NARF: variants seen among roughly 807,000 people sequenced by gnomAD.
NARF encodes nuclear prelamin A recognition factor.
NARF carries 41 observed loss-of-function variants against 48.0 expected under a neutral mutation model. The ratio of observed to expected loss-of-function variants is 0.85; its 90% CI spans 0.66 to 1.11. NARF has a LOEUF of 1.11. NARF is among the 50% of genes least tolerant of loss of function. The pLI is 0.00. For missense variants in NARF, 613 were observed against 590.2 expected (o/e 1.04, Z -0.40); for synonymous variants, 215 against 225.5 (o/e 0.95, Z 0.42).
chr17:82,486,567 C>A (rs73999957), intron 10 of NARF, among the ~76,000 whole-genome samples: 12,015 of 152,198 alleles, frequency 0.079, 930 homozygotes, highest in African/African-American at 0.2. Context: ...AGAGGGGAGC[C>A]TGTGGCCTTG....
intron 4 of NARF, among the ~76,000 whole-genome samples, chr17:82,469,473 C>G (rs1223582958): frequency 1.3e-5 from 2 of 152,216 alleles, no homozygotes; most frequent in African/African-American, 2.4e-5. Context: ...AGGGGAACTG[C>G]CTCCCTCCAT....
chr17:82,480,974 G>A (rs1308614580), intron 6 of NARF, 108 bp from the exon 7 acceptor site: 47 of 1,408,658 alleles, frequency 3.3e-5, no homozygotes, highest in Non-Finnish European at 4.4e-5. Flanking sequence ...GTGTCTGGAG[G>A]GCAGCAGCAG....
At chr17:82,463,144 C>A (rs2043477741) in intron 2 of NARF, 2 of 152,160 alleles carry the variant, frequency 1.3e-5, no homozygotes, top group African/African-American at 4.8e-5. Flanking sequence ...GGAGGAGGCA[C>A]ATCCATAGCC....
intron 2 of NARF, 151 bp from the exon 3 acceptor site, chr17:82,464,136 G>A (rs2043504031): frequency 1.0e-6 from 1 of 988,018 alleles, no homozygotes. Context: ...GGCAGAGACT[G>A]TCCTGCTTCC....
rs1053981119 is a variant in NARF at position 82,482,212 on chromosome 17, T to C, written c.769+1001T>C. ...GAGAGGTCAGCTCTCAGGGACAATC[T>C]TTAAGGGCGCCAATGTCCCTCACAG... On this transcript the variant is annotated intron_variant, in intron 7 of 10. Coordinates refer to ENST00000309794, the MANE Select transcript of NARF (RefSeq NM_012336.4). 3.3e-5 allele frequency: 14 copies of C among 418,954 alleles called. 1 individual carries two copies. The highest frequency in any genetic ancestry group is 4.3e-5 in the African/African-American group (2 of 47,048). 26.0% of individuals were successfully genotyped at this position (418,954 alleles called of 1,614,324 possible).
chr17:82,487,792 CT>C, intron 10 of NARF, 123 bp from the exon 11 acceptor site: 10 of 413,130 alleles, frequency 2.4e-5, no homozygotes, highest in East Asian at 7.3e-5. Context: ...CCCGCCCAAT[CT>C]CTACAAAAAA....
In NARF at chr17:82,483,785, T is replaced by TGGCTTCTCTGGGGAGAGTCCTCTGGGG. The variant is rs746479300; in HGVS notation, c.833+10_833+36dup. The stretch of plus-strand genomic sequence containing the variant: ...GATGCTGCCGTCGACACTCTGTAAG[T>TGGCTTCTCTGGGGAGAGTCCTCTGGGG]GGCTTCTCTGGGGAGAGTCCTCTGG... On this transcript the variant is annotated splice_region_variant and intron_variant, in intron 8 of 10. Transcript: ENST00000309794. The TGGCTTCTCTGGGGAGAGTCCTCTGGGG allele has an allele frequency of 1.2e-6, 2 of 1,613,264 alleles. No individual in the cohort carries two copies. Among genetic ancestry groups the TGGCTTCTCTGGGGAGAGTCCTCTGGGG allele is most frequent in the East Asian group, 4.5e-5 (2 of 44,870 alleles).
At chr17:82,479,082 C>A in intron 6 of NARF, 164 bp downstream of exon 6, 1 of 576,264 alleles carries the variant, frequency 1.7e-6, no homozygotes, top group Middle Eastern at 4.7e-4. Context: ...TGTTTCTCAC[C>A]AACGCCCGTC....
At chr17:82,484,090 A>G (rs1364537874) in intron 8 of NARF, 1 of 278,426 alleles carries the variant, frequency 3.6e-6, no homozygotes, top group Non-Finnish European at 6.9e-6. Context: ...TCATGTGTGC[A>G]CCAGCCCCCT....
intron 7 of NARF, among the ~76,000 whole-genome samples, chr17:82,481,528 A>G (rs2043964626): frequency 6.6e-6 from 1 of 152,176 alleles, no homozygotes; most frequent in Admixed American, 6.5e-5. Context: ...CAGGAGTTCG[A>G]GACCAGCCTG....
intron 3 of NARF, among the ~76,000 whole-genome samples, chr17:82,468,138 C>T (rs2043613927): frequency 6.6e-6 from 1 of 151,964 alleles, no homozygotes; most frequent in Non-Finnish European, 1.5e-5. Context: ...GGCAAAACCC[C>T]GTCTCTACCA....
At chr17:82,484,565 C>T in intron 8 of NARF, 1 of 378,790 alleles carries the variant, frequency 2.6e-6, no homozygotes, top group Non-Finnish European at 4.7e-6. Context: ...TCTGGAGCAC[C>T]TGCAAGAGCC....
chr17:82,487,794 C>CA, intron 10 of NARF, 122 bp from the exon 11 acceptor site: 14 of 503,396 alleles, frequency 2.8e-5, no homozygotes, highest in East Asian at 1.2e-4. Context: ...CGCCCAATCT[C>CA]TACAAAAAAT....
chr17:82,481,190 G>A lies in NARF; in HGVS notation c.748G>A (p.Ala250Thr), dbSNP rs200008071. Residue 250 changes from alanine to threonine, a missense_variant, in exon 7 of 11, where the codon GCT becomes ACT. Ala to Thr is a moderately conservative substitution (Grantham distance 58, BLOSUM62 0). Coordinates refer to ENST00000309794, the MANE Select transcript of NARF (RefSeq NM_012336.4). ...CCCTGCTTTGCATGGCTCCCGGGGC[G>A]CTGACTGCGTGTTAACATCAGGTGA... The part of the protein sequence containing the change: ...LPPALHGSRG[A>T]DCVLTSGEIA... 61 of 1,614,000 alleles carry A rather than the reference G, an allele frequency of 3.8e-5. No homozygotes were observed. The highest frequency in any genetic ancestry group is 1.6e-4 in the Middle Eastern group (1 of 6,062).
In NARF at chr17:82,464,330, G is replaced by A; in HGVS notation, c.152G>A (p.Ser51Asn). Residue 51 changes from serine (S) to asparagine (N), a missense_variant, in exon 3 of 11, where the codon AGC becomes AAC. Transcript: ENST00000309794. Reference sequence around the variant, plus strand: ...TTGGCTGATGCCAAGATATTTTTGAGCGACTGCCTGGCATGTGACAGCTGT... The same window carrying A: ...TTGGCTGATGCCAAGATATTTTTGAACGACTGCCTGGCATGTGACAGCTGT... ...HKLADAKIFLSDCLACDSCMT... is the reference protein window; with the variant it reads ...HKLADAKIFLNDCLACDSCMT... 3 of 1,613,814 alleles carry A rather than the reference G, an allele frequency of 1.9e-6. No homozygotes were observed. Among genetic ancestry groups the A allele is most frequent in the Non-Finnish European group, 8.5e-7 (1 of 1,179,866 alleles).
At chr17:82,484,682 A>G in intron 8 of NARF, 131 bp from the exon 9 acceptor site, 3 of 1,149,576 alleles carry the variant, frequency 2.6e-6, no homozygotes, top group Non-Finnish European at 3.6e-6. Context: ...GCAAAGTTTA[A>G]ACATCTGTAC....
chr17:82,483,115 C>G (rs933983100), intron 7 of NARF: 1 of 171,928 alleles, frequency 5.8e-6, no homozygotes, highest in Non-Finnish European at 1.3e-5. Flanking sequence ...GTCAGGAGTT[C>G]GAGACCAGTC....
intron 4 of NARF, among the ~76,000 whole-genome samples, chr17:82,469,884 A>C (rs1019298556): frequency 1.3e-5 from 2 of 148,908 alleles, no homozygotes; most frequent in African/African-American, 4.9e-5. Flanking sequence ...GATTACAGGC[A>C]TGTGCCACCG....
chr17:82,468,694 C>A, intron 3 of NARF, 70 bp from the exon 4 acceptor site: 2 of 1,489,838 alleles, frequency 1.3e-6, no homozygotes, highest in Non-Finnish European at 1.9e-6. Flanking sequence ...CTGAATTTCT[C>A]ATTAAGGTGT....
Sources: gnomAD v4.1 joint callset for allele counts (sites outside exome capture counted in the v4.1 genomes callset) on GRCh38, gnomAD v4.1.1 for gene constraint, MANE v1.5 for transcripts, NCBI Gene and HGNC (gene_info 2026-07-23, HGNC 2026-07-21) for gene names.